UGT1A7: variants seen among roughly 807,000 people sequenced by gnomAD.
UGT1A7 encodes the protein UDP glucuronosyltransferase family 1 member A7.
UGT1A7 carries 33 observed loss-of-function variants against 45.6 expected under a neutral mutation model. The ratio of observed to expected loss-of-function variants is 0.72; its 90% CI spans 0.55 to 0.97. The LOEUF is 0.97. Ranked by LOEUF, UGT1A7 falls within the 50% of genes least tolerant of loss-of-function variation. The pLI is 0.00. For synonymous variants in UGT1A7, 274 were observed against 250.6 expected (o/e 1.09, Z -0.88); for missense variants, 684 against 666.2 (o/e 1.03, Z -0.29).
At chr2:233,698,992 T>G (rs1394299071) in intron 1 of UGT1A7, among the ~76,000 whole-genome samples, 2 of 152,230 alleles carry the variant, frequency 1.3e-5, no homozygotes, top group Non-Finnish European at 2.9e-5. Context: ...AGGTGGTGAT[T>G]CCTGCTGTAA....
chr2:233,718,774 A>G, intron 1 of UGT1A7: 2 of 1,612,926 alleles, frequency 1.2e-6, no homozygotes, highest in Non-Finnish European at 1.7e-6. Flanking sequence ...CAAATGTAGC[A>G]GGCACAGCGT....
intron 1 of UGT1A7, among the ~76,000 whole-genome samples, chr2:233,745,709 C>T (rs1276912783): frequency 6.8e-6 from 1 of 146,654 alleles, no homozygotes; most frequent in Non-Finnish European, 1.5e-5. Context: ...ACAAGTGATC[C>T]AGAATGGCTG....
At chr2:233,771,613 G>GT (rs1296922590) in intron 4 of UGT1A7, 10 of 152,180 alleles carry the variant, frequency 6.6e-5, no homozygotes, top group Non-Finnish European at 1.2e-4. Flanking sequence ...AATTTCTGAC[G>GT]TGACATTTTC....
chr2:233,713,431 A>G lies in UGT1A7; in HGVS notation c.855+30639A>G, dbSNP rs1575502820. The G allele has an allele frequency of 2.5e-6, 4 of 1,614,124 alleles. 1 individual carries two copies. Among genetic ancestry groups the G allele is most frequent in the Middle Eastern group, 3.3e-4 (2 of 6,062 alleles). ...AGGCACCTGCATGCTACTTCCTTTG[A>G]TGTGGTTCTAACAGACCCCTTTCAC... On this transcript the variant is annotated intron_variant, in intron 1 of 4. Transcript: ENST00000373426.
intron 1 of UGT1A7, chr2:233,713,115 C>T (rs2076279485): frequency 6.2e-7 from 1 of 1,614,098 alleles, no homozygotes; most frequent in African/African-American, 1.3e-5. Context: ...CAGCCACTGG[C>T]TCAGCATGCG....
chr2:233,686,522 G>A (rs757832173), intron 1 of UGT1A7, among the ~76,000 whole-genome samples: 4 of 152,052 alleles, frequency 2.6e-5, no homozygotes, highest in Non-Finnish European at 5.9e-5. Context: ...CTCCACCTGC[G>A]TTAGAACCTA....
chr2:233,701,221 T>G (rs910268891), intron 1 of UGT1A7, among the ~76,000 whole-genome samples: 4 of 152,182 alleles, frequency 2.6e-5, no homozygotes, highest in Non-Finnish European at 4.4e-5. Context: ...TTATAATCCT[T>G]TGGGTATATA....
At chr2:233,693,476 A>G (rs1329461321) in intron 1 of UGT1A7, 2 of 1,614,154 alleles carry the variant, frequency 1.2e-6, no homozygotes, top group African/African-American at 1.3e-5. Context: ...CTGTGGGGTG[A>G]TCCTGGCTGA....
At chr2:233,742,161 C>A (rs1479905655) in intron 1 of UGT1A7, among the ~76,000 whole-genome samples, 2 of 151,932 alleles carry the variant, frequency 1.3e-5, no homozygotes, top group African/African-American at 2.4e-5. Context: ...ATTAAAGACA[C>A]ACACACAGAA....
chr2:233,743,530 C>G (rs781463146), intron 1 of UGT1A7: 8 of 1,367,244 alleles, frequency 5.9e-6, no homozygotes, highest in East Asian at 4.6e-5. Context: ...GCTTCCCCAG[C>G]AGTTCCTCTG....
rs1384455680 is a variant in UGT1A7, at chr2:233,701,870, TA to T, written c.855+19081del. 2.0e-5 allele frequency among the ~76,000 whole-genome samples: 3 copies of T among 152,182 alleles called. No homozygotes were observed. The East Asian group carries it at 5.8e-4, about 29-fold the overall frequency. ...GTGTGTAGAGGGAAATTTATAGCAC[TA>T]AATGCCCACAAGAGAAAGCAGAAAA... On this transcript the variant is annotated intron_variant, in intron 1 of 4. Coordinates refer to ENST00000373426, the MANE Select transcript of UGT1A7 (RefSeq NM_019077.3).
rs45569333 is a variant in UGT1A7, at chr2:233,718,151, T to A, written c.855+35359T>A. The A allele has an allele frequency of 1.8e-4, 44 of 241,004 alleles. No individual in the cohort carries two copies. The East Asian group carries it at 3.7e-3, about 20-fold the overall frequency. The allele number at this position is 241,004 out of a possible 1,614,324, so 14.9% of individuals were successfully genotyped here. ...TAGATGGAGAATCCTCAATAAAGCC[T>A]TCCCAAGAATATGATCATCACATCT... On this transcript the variant is annotated intron_variant, in intron 1 of 4. Transcript: ENST00000373426.
At chr2:233,755,452 C>A in intron 1 of UGT1A7, 1 of 306,372 alleles carries the variant, frequency 3.3e-6, no homozygotes, top group South Asian at 3.0e-5. Flanking sequence ...GCTCCTGGGA[C>A]TGGCCCTGCT....
chr2:233,713,388 C>CA (rs1287964776), intron 1 of UGT1A7: 1 of 1,614,146 alleles, frequency 6.2e-7, no homozygotes, highest in Admixed American at 1.7e-5. Context: ...GGAGCTACTG[C>CA]ATAATGAGGC....
intron 1 of UGT1A7, among the ~76,000 whole-genome samples, chr2:233,700,272 A>G (rs1488856849): frequency 6.6e-6 from 1 of 152,218 alleles, no homozygotes; most frequent in Non-Finnish European, 1.5e-5. Context: ...CTTAATAGGC[A>G]CTTTTTAAAA....
At chr2:233,728,661 G>A (rs577951721) in intron 1 of UGT1A7, among the ~76,000 whole-genome samples, 3 of 152,294 alleles carry the variant, frequency 2.0e-5, no homozygotes, top group South Asian at 2.1e-4. Flanking sequence ...GATGCGCTGC[G>A]TTACTCATAC....
At chr2:233,716,337 C>A (rs17868335) in intron 1 of UGT1A7, among the ~76,000 whole-genome samples, 15,441 of 152,180 alleles carry the variant, frequency 0.1, 906 homozygotes, top group East Asian at 0.2. Flanking sequence ...CCCAGGTTTG[C>A]GCAACTACAA....
intron 1 of UGT1A7, chr2:233,748,023 C>T: frequency 6.2e-7 from 1 of 1,613,520 alleles, no homozygotes; most frequent in Non-Finnish European, 8.5e-7. Context: ...GCCGATCATG[C>T]CCAACATGGT....
intron 1 of UGT1A7, chr2:233,691,120 AGC>A (rs1230467819): frequency 1.4e-5 from 14 of 985,756 alleles, no homozygotes; most frequent in Non-Finnish European, 1.7e-5. Context: ...TGCTTGCTTA[AGC>A]CATTCTTCCT....
Sources: allele counts gnomAD v4.1 joint callset (sites outside exome capture counted in the v4.1 genomes callset), GRCh38; gene constraint gnomAD v4.1.1; transcripts MANE v1.5; gene names NCBI Gene and HGNC (gene_info 2026-07-23, HGNC 2026-07-21).